The following PLA2G4A variants were observed in gnomAD, a reference collection of about 807,000 sequenced individuals.
The protein encoded by PLA2G4A is phospholipase A2 group IVA.
A neutral mutation model predicts 81.9 loss-of-function variants in PLA2G4A; 40 were observed. The ratio of observed to expected loss-of-function variants is 0.49; its 90% confidence interval spans 0.38 to 0.64. The LOEUF (loss-of-function observed/expected upper bound fraction) is 0.64. Ranked by LOEUF, PLA2G4A falls within the 30% of genes least tolerant of loss-of-function variation. The pLI, the probability that PLA2G4A is intolerant of heterozygous loss-of-function variation, is 0.00. For synonymous variants in PLA2G4A, 302 were observed against 296.9 expected, an observed-to-expected ratio of 1.02 and a Z score of -0.18; for missense variants, 715 against 905.1, an observed-to-expected ratio of 0.79 and a Z score of 2.69.
At chr1:186,937,304 GAGTACATTGTGCATTTATTAAA>G (rs1655987633) in intron 8 of PLA2G4A, among the ~76,000 whole-genome samples, 1 of 151,784 alleles carries the variant, frequency 6.6e-6, no homozygotes, top group Non-Finnish European at 1.5e-5. Flanking sequence ...AATCTTCAGA[GAGTACATTGTGCATTTATTAAA>G]AGTATGAGAA....
intron 8 of PLA2G4A, among the ~76,000 whole-genome samples, chr1:186,934,738 G>A (rs563440536): frequency 3.3e-4 from 50 of 151,824 alleles, no homozygotes; most frequent in African/African-American, 9.4e-4. Flanking sequence ...GTGGTGTAGG[G>A]GAGGGAGGGA....
At chr1:186,953,997 A>C (rs1445342257) in intron 13 of PLA2G4A, among the ~76,000 whole-genome samples, 3 of 152,230 alleles carry the variant, frequency 2.0e-5, no homozygotes, top group African/African-American at 7.2e-5. Context: ...GTAAGAGTAG[A>C]AAGTAGTGTA....
chr1:186,949,268 AAAG>A (rs959257326), intron 12 of PLA2G4A, among the ~76,000 whole-genome samples: 1 of 151,560 alleles, frequency 6.6e-6, no homozygotes, highest in Non-Finnish European at 1.5e-5. Flanking sequence ...GGAAAGAAAG[AAAG>A]AAGAAAGAAA....
At chr1:186,950,969 A>G (rs186398177) in intron 13 of PLA2G4A, among the ~76,000 whole-genome samples, 66 of 152,318 alleles carry the variant, frequency 4.3e-4, no homozygotes, top group African/African-American at 1.5e-3. Flanking sequence ...TGAACAAATG[A>G]ACAGATCCAA....
intron 2 of PLA2G4A, among the ~76,000 whole-genome samples, chr1:186,865,105 T>TA (rs1291209770): frequency 1.0e-4 from 15 of 148,302 alleles, no homozygotes; most frequent in Non-Finnish European, 2.1e-4. Flanking sequence ...TATATATATA[T>TA]AAAATATAAT....
At chr1:186,938,377 C>A (rs1371001480) in intron 8 of PLA2G4A, among the ~76,000 whole-genome samples, 1 of 152,084 alleles carries the variant, frequency 6.6e-6, no homozygotes. Context: ...GGCTGGCAGA[C>A]AAGAGGCTTC....
chr1:186,976,287 T>C (rs1657527721), intron 15 of PLA2G4A, among the ~76,000 whole-genome samples: 2 of 152,218 alleles, frequency 1.3e-5, no homozygotes, highest in Non-Finnish European at 2.9e-5. Flanking sequence ...CTTAAGATTC[T>C]AGTGACAGTA....
chr1:186,871,173 A>G (rs1446266655), intron 3 of PLA2G4A, among the ~76,000 whole-genome samples: 1 of 152,124 alleles, frequency 6.6e-6, no homozygotes, highest in Non-Finnish European at 1.5e-5. Flanking sequence ...CTGGTATAGG[A>G]CAGCCTGAAA....
chr1:186,962,485 A>ATTTT (rs1347818495), intron 14 of PLA2G4A, among the ~76,000 whole-genome samples: 19 of 124,760 alleles, frequency 1.5e-4, no homozygotes, highest in Admixed American at 4.0e-4. Flanking sequence ...TAGTTATTTT[A>ATTTT]TTTTATTTAT....
intron 13 of PLA2G4A, among the ~76,000 whole-genome samples, chr1:186,955,028 G>C (rs982245806): frequency 1.3e-4 from 20 of 152,270 alleles, no homozygotes; most frequent in African/African-American, 4.6e-4. Context: ...GAAGGGGAAA[G>C]TAACTAGAAA....
intron 7 of PLA2G4A, among the ~76,000 whole-genome samples, chr1:186,929,374 A>G (rs1340771219): frequency 2.0e-5 from 3 of 152,266 alleles, no homozygotes; most frequent in Non-Finnish European, 4.4e-5. Context: ...CAAGGCACAT[A>G]CAATATGTTC....
intron 13 of PLA2G4A, among the ~76,000 whole-genome samples, chr1:186,954,158 G>A (rs1053935117): frequency 2.0e-5 from 3 of 152,032 alleles, no homozygotes; most frequent in African/African-American, 4.8e-5. Flanking sequence ...TTATGGTGGC[G>A]CTATTCATAA....
chr1:186,933,037 A>C, intron 8 of PLA2G4A, 138 bp downstream of exon 8: 2 of 691,108 alleles, frequency 2.9e-6, no homozygotes, highest in African/African-American at 3.6e-5. Flanking sequence ...TTGATGCCAC[A>C]ATCTGCTTTA....
At chr1:186,862,750 G>A (rs1238279722) in intron 2 of PLA2G4A, among the ~76,000 whole-genome samples, 4 of 152,072 alleles carry the variant, frequency 2.6e-5, no homozygotes, top group African/African-American at 9.7e-5. Flanking sequence ...AAATAAATAT[G>A]ACTTCCCCAA....
At chr1:186,886,208 C>A (rs753840157) in intron 3 of PLA2G4A, among the ~76,000 whole-genome samples, 2 of 152,006 alleles carry the variant, frequency 1.3e-5, no homozygotes, top group Non-Finnish European at 2.9e-5. Flanking sequence ...TTGGTATAGG[C>A]GTGGTATAGA....
intron 3 of PLA2G4A, among the ~76,000 whole-genome samples, chr1:186,872,659 A>G (rs1225165155): frequency 6.6e-6 from 1 of 150,952 alleles, no homozygotes; most frequent in Non-Finnish European, 1.5e-5. Context: ...TAGCAACTTC[A>G]TGGTAGGCCC....
chr1:186,892,681 G>A (rs965174976), intron 3 of PLA2G4A, among the ~76,000 whole-genome samples: 3 of 152,130 alleles, frequency 2.0e-5, no homozygotes, highest in Admixed American at 6.5e-5. Flanking sequence ...TCATGTTGGC[G>A]TTAGCTGGGT....
chr1:186,965,379 T>G, intron 14 of PLA2G4A, 30 bp from the exon 15 acceptor site: 1 of 1,459,842 alleles, frequency 6.9e-7, no homozygotes, highest in Non-Finnish European at 9.6e-7. Flanking sequence ...ATCATTTAAT[T>G]CATTCTTGTT....
intron 15 of PLA2G4A, 130 bp from the exon 16 acceptor site, chr1:186,977,463 G>A (rs763984465): frequency 5.8e-5 from 39 of 671,112 alleles, no homozygotes; most frequent in Non-Finnish European, 9.0e-5. Flanking sequence ...GAACAGGGTC[G>A]TGATTCATCC....
Sources: allele counts gnomAD v4.1 joint callset (sites outside exome capture counted in the v4.1 genomes callset), GRCh38; gene constraint gnomAD v4.1.1; transcripts MANE v1.5; gene names NCBI Gene and HGNC (gene_info 2026-07-23, HGNC 2026-07-21).